The following CNGB1 variants were observed in gnomAD, a reference collection of about 807,000 sequenced individuals.
CNGB1 encodes cyclic nucleotide-gated channel beta-1.
CNGB1 carries 126 observed loss-of-function variants against 151.7 expected under a neutral mutation model. That is an observed-to-expected ratio of 0.83 (90% CI 0.72 to 0.96). CNGB1 has a LOEUF of 0.96. Among genes scored for constraint, CNGB1 ranks in the 40% least tolerant of loss-of-function variants. The probability of loss-of-function intolerance (pLI) is 0.00; values close to 1 mark genes in which losing one functional copy is unlikely to be tolerated. For synonymous variants in CNGB1, 623 were observed against 635.1 expected (o/e 0.98, Z 0.29); for missense variants, 1,698 against 1,627.0 (o/e 1.04, Z -0.75).
chr16:57,920,512 G>T lies in CNGB1; in HGVS notation c.1676C>A (p.Thr559Lys), dbSNP rs768874859. ...CCGGTCGTTGATGATGGCGCTATTT[G>T]TGCTGGCCGTGGAGGCCGCACGGTC... ...GQDRAASTAS[T>K]NSAIINDRLQ... Residue 559 changes from threonine to lysine, a missense_variant, in exon 19 of 33, where the codon ACA becomes AAA. Coordinates refer to ENST00000251102, the MANE Select transcript of CNGB1 (RefSeq NM_001297.5). The T allele has an allele frequency of 4.3e-6, 7 of 1,613,800 alleles. No individual in the cohort carries two copies. In the Admixed American group the frequency reaches 6.7e-5, roughly 15 times the overall value.
intron 31 of CNGB1, among the ~76,000 whole-genome samples, chr16:57,894,341 C>T (rs181148876): frequency 6.6e-6 from 1 of 152,176 alleles, no homozygotes; most frequent in African/African-American, 2.4e-5. Flanking sequence ...TGGCTCACAC[C>T]TGTAATCCCA....
At position 57,883,915 on chromosome 16, in the gene CNGB1, A is replaced by G. The variant is rs1479608960; in HGVS notation, c.*249T>C. 1.7e-6 allele frequency: 1 copy of G among 595,444 alleles called. No individual in the cohort carries two copies. Among genetic ancestry groups the G allele is most frequent in the Non-Finnish European group, 3.0e-6 (1 of 333,036 alleles). 36.9% of individuals were successfully genotyped at this position (595,444 alleles called of 1,614,324 possible). A position where few individuals can be genotyped will look rare whatever the true frequency, so the allele number is the denominator to read the frequency against. On this transcript the variant is annotated 3_prime_UTR_variant, in exon 33 of 33. Transcript: ENST00000251102. ...CAGTCAGGAAAAGGTAGGGCTCTCA[A>G]ATGATAGTGAGAGCTCAGGGACTCG...
At chr16:57,945,568 T>C (rs1961785983) in intron 14 of CNGB1, among the ~76,000 whole-genome samples, 2 of 152,228 alleles carry the variant, frequency 1.3e-5, no homozygotes, top group African/African-American at 2.4e-5. Context: ...GAAGGGCCAA[T>C]GAGAATCTCA....
chr16:57,960,697 T>G lies in CNGB1; in HGVS notation c.534+143A>C, dbSNP rs1230555677. 8 of 1,231,766 alleles carry G rather than the reference T, an allele frequency of 6.5e-6. No homozygotes were observed. In the East Asian group the frequency reaches 1.8e-4, roughly 27 times the overall value. 76.3% of individuals were successfully genotyped at this position (1,231,766 alleles called of 1,614,324 possible). On this transcript the variant is annotated intron_variant, in intron 8 of 32. Transcript: ENST00000251102. ...CCCCTCTCACAGTCACTCCTCCCCATAGAGGACTCTCCAAAGTGGGGCATC... is the reference window on the plus strand; with the variant it reads ...CCCCTCTCACAGTCACTCCTCCCCAGAGAGGACTCTCCAAAGTGGGGCATC...
At chr16:57,954,730 A>T (rs1160734705) in intron 12 of CNGB1, 1 of 985,372 alleles carries the variant, frequency 1.0e-6, no homozygotes, top group African/African-American at 1.7e-5. Flanking sequence ...GTTGCTGCTC[A>T]TTGGTGTCCC....
intron 17 of CNGB1, among the ~76,000 whole-genome samples, chr16:57,931,025 G>C (rs759900196): frequency 2.6e-5 from 4 of 151,708 alleles, no homozygotes; most frequent in Non-Finnish European, 5.9e-5. Context: ...AAGACTTGGT[G>C]AGTTATAATA....
At chr16:57,885,952 T>C (rs1405586490) in intron 32 of CNGB1, among the ~76,000 whole-genome samples, 2 of 152,180 alleles carry the variant, frequency 1.3e-5, no homozygotes, top group Admixed American at 1.3e-4. Context: ...GTGAGCATCG[T>C]GGAACTTCCT....
Position 57,956,332 on chromosome 16 carries a change from T to C in CNGB1, c.874+1009A>G, listed in dbSNP as rs543838752. Among the ~76,000 whole-genome samples the C allele has an allele frequency of 3.3e-5, 5 of 152,314 alleles. No homozygotes were observed. In the South Asian group the frequency reaches 1.0e-3, roughly 32 times the overall value. On this transcript the variant is annotated intron_variant, in intron 12 of 32. Coordinates refer to ENST00000251102, the MANE Select transcript of CNGB1 (RefSeq NM_001297.5). ...GCCCCAGGTTGGCCACGAGCTTCCA[T>C]GAGAGACTGCTTATGCCCTGCTCTG...
At chr16:57,930,407 A>G (rs1489178476) in intron 17 of CNGB1, among the ~76,000 whole-genome samples, 3 of 151,786 alleles carry the variant, frequency 2.0e-5, no homozygotes, top group African/African-American at 7.3e-5. Context: ...AGAAGGGGAA[A>G]TGCTTGAGCC....
Position 57,903,827 on chromosome 16 carries a change from A to T in CNGB1, c.2789T>A (p.Met930Lys). The T allele has an allele frequency of 2.5e-6, 4 of 1,614,124 alleles. No individual in the cohort carries two copies. The Middle Eastern group carries it at 5.0e-4, about 202-fold the overall frequency. ...CCAGGGCGTGACCATCTTACCCAGC[A>T]TGCCTTGCGAGTGCCAGGTGTACTC... is the stretch of plus-strand genomic sequence containing the variant. ...WYEYTWHSQG[M>K]LDESELMVQL... The change falls in exon 27 of 33, where the codon ATG becomes AAG. Residue 930 changes from methionine to lysine, a missense_variant. Met to Lys is a moderately conservative substitution (Grantham distance 95, BLOSUM62 -1). Coordinates refer to ENST00000251102, the MANE Select transcript of CNGB1 (RefSeq NM_001297.5).
Position 57,897,972 on chromosome 16 carries a change from G to T in CNGB1, c.2977-58C>A, listed in dbSNP as rs1567366013. On this transcript the variant is annotated intron_variant, in intron 29 of 32. Coordinates refer to ENST00000251102, the MANE Select transcript of CNGB1 (RefSeq NM_001297.5). ...ATCCCCCAAAGTCACCAGAGAAGCA[G>T]CCAGGGCTGGATCCAGAGGCTGGAG... 2.3e-5 allele frequency: 36 copies of T among 1,571,142 alleles called. No homozygotes were observed. The South Asian group carries it at 3.8e-4, about 16-fold the overall frequency.
rs1320770219 is a variant in CNGB1, at chr16:57,904,658, G to A, written c.2634+76C>T. The stretch of plus-strand genomic sequence containing the variant: ...TTAATCCAAAAGCAACGGGCACAGA[G>A]GGTGACATTTCTGGCAACAGTGGGA... On this transcript the variant is annotated intron_variant, in intron 26 of 32. Transcript: ENST00000251102. 9 of 1,598,050 alleles carry A rather than the reference G, an allele frequency of 5.6e-6. No homozygotes were observed. The African/African-American group carries it at 1.2e-4, about 21-fold the overall frequency.
At chr16:57,894,313 TG>T (rs2149354225) in intron 31 of CNGB1, among the ~76,000 whole-genome samples, 1 of 152,016 alleles carries the variant, frequency 6.6e-6, no homozygotes, top group Non-Finnish European at 1.5e-5. Context: ...AATAAGAAAA[TG>T]TTTGGGCTGG....
intron 32 of CNGB1, among the ~76,000 whole-genome samples, chr16:57,885,580 T>TCACTCTCTCTCTCTCTCTCTCTCTC: frequency 1.8e-5 from 1 of 57,046 alleles, no homozygotes; most frequent in Non-Finnish European, 3.9e-5. Flanking sequence ...CTCTCTCTCT[T>TCACTCTCTCTCTCTCTCTCTCTCTC]TCTTTCTTTC....
At chr16:57,901,668 C>A in intron 27 of CNGB1, 43 bp from the exon 28 acceptor site, 1 of 1,536,850 alleles carries the variant, frequency 6.5e-7, no homozygotes, top group South Asian at 1.1e-5. Context: ...AGGCCGGGCC[C>A]CACCCCAGAC....
chr16:57,888,397 CTCTCTCCTCTCTCTTCTGTCT>C (rs2149352039), intron 31 of CNGB1, among the ~76,000 whole-genome samples: 1 of 152,092 alleles, frequency 6.6e-6, no homozygotes, highest in African/African-American at 2.4e-5. Flanking sequence ...CTGTCTCTCT[CTCTCTCCTCTCTCTTCTGTCT>C]TCTCTCCTCT....
intron 25 of CNGB1, among the ~76,000 whole-genome samples, chr16:57,906,890 A>AACTGGGGCAGGAGAGC (rs552346531): frequency 1.4e-3 from 220 of 152,292 alleles, no homozygotes; most frequent in African/African-American, 5.0e-3. Context: ...GGATGGGCAG[A>AACTGGGGCAGGAGAGC]ACTGGGGCAG....
intron 24 of CNGB1, 135 bp from the exon 25 acceptor site, chr16:57,912,010 G>T: frequency 8.3e-7 from 1 of 1,201,608 alleles, no homozygotes; most frequent in South Asian, 1.3e-5. Flanking sequence ...AGTTAGGAAG[G>T]GTGGTGCTTG....
chr16:57,902,054 G>A (rs779400933), intron 27 of CNGB1, among the ~76,000 whole-genome samples: 15 of 151,572 alleles, frequency 9.9e-5, no homozygotes, highest in South Asian at 2.1e-4. Flanking sequence ...TTTTGTTGTT[G>A]TTATTTATGT....
Sources: gnomAD v4.1 joint callset for allele counts (sites outside exome capture counted in the v4.1 genomes callset) on GRCh38, gnomAD v4.1.1 for gene constraint, MANE v1.5 for transcripts, NCBI Gene and HGNC (gene_info 2026-07-23, HGNC 2026-07-21) for gene names.